AFG2A: variants seen among roughly 807,000 people sequenced by gnomAD.
AFG2A encodes the protein AAA ATPase AFG2A.
the AFG2A span, among the ~76,000 whole-genome samples, chr4:123,185,494 T>C: frequency 6.6e-6 from 1 of 152,252 alleles, no homozygotes; most frequent in East Asian, 1.9e-4. Context: ...CTAAATAGGT[T>C]GAAGTAATTT....
At chr4:122,933,228 G>A in the AFG2A span, among the ~76,000 whole-genome samples, 1 of 152,178 alleles carries the variant, frequency 6.6e-6, no homozygotes, top group African/African-American at 2.4e-5. Flanking sequence ...AGGCCACTAA[G>A]GCACCAGATT....
chr4:123,120,432 A>C, the AFG2A span, among the ~76,000 whole-genome samples: 1 of 152,214 alleles, frequency 6.6e-6, no homozygotes, highest in African/African-American at 2.4e-5. Context: ...AACCATTAAA[A>C]ATTAGTTAAT....
the AFG2A span, among the ~76,000 whole-genome samples, chr4:123,182,382 C>T: frequency 1.3e-5 from 2 of 152,090 alleles, no homozygotes; most frequent in African/African-American, 4.8e-5. Flanking sequence ...AGAACTTATA[C>T]CTAGGTTTTA....
chr4:123,262,058 G>A, the AFG2A span, among the ~76,000 whole-genome samples: 1 of 152,136 alleles, frequency 6.6e-6, no homozygotes. Flanking sequence ...TTACAGGCCT[G>A]AGCCACTGTG....
chr4:123,313,852 T>C, the AFG2A span: 1 of 1,520,040 alleles, frequency 6.6e-7, no homozygotes, highest in South Asian at 1.3e-5. Context: ...GATTGTTTTC[T>C]ACCTCCTTTT....
At chr4:122,933,851 T>G in the AFG2A span, among the ~76,000 whole-genome samples, 1 of 152,200 alleles carries the variant, frequency 6.6e-6, no homozygotes, top group East Asian at 1.9e-4. Context: ...GCCTGGCTAT[T>G]TGTTGATGTG....
the AFG2A span, among the ~76,000 whole-genome samples, chr4:123,007,548 GTATGTGTGTGTGTGTGTA>G: frequency 1.1e-5 from 1 of 88,662 alleles, no homozygotes; most frequent in Non-Finnish European, 2.4e-5. Flanking sequence ...ATATGTGTAT[GTATGTGTGTGTGTGTGTA>G]TATGTGTGTG....
the AFG2A span, among the ~76,000 whole-genome samples, chr4:123,196,298 C>T: frequency 4.0e-5 from 6 of 150,652 alleles, no homozygotes; most frequent in East Asian, 3.9e-4. Flanking sequence ...TGTGAGCCAC[C>T]GCGCCCGGCC....
At chr4:122,954,830 A>AC in the AFG2A span, among the ~76,000 whole-genome samples, 123,245 of 152,110 alleles carry the variant, frequency 0.81, 51,706 homozygotes, top group East Asian at 0.96. Flanking sequence ...AGTTAGATCC[A>AC]CCCCCTGCAA....
chr4:123,057,160 T>A, the AFG2A span: 1 of 1,594,104 alleles, frequency 6.3e-7, no homozygotes, highest in Non-Finnish European at 8.6e-7. Flanking sequence ...AACTACAGAA[T>A]TTTCTAGTGT....
At chr4:123,250,420 G>T in the AFG2A span, among the ~76,000 whole-genome samples, 14 of 152,228 alleles carry the variant, frequency 9.2e-5, no homozygotes, top group East Asian at 2.5e-3. Flanking sequence ...AATGGCAGGG[G>T]GTCCTAGAAC....
At chr4:123,273,224 A>G in the AFG2A span, among the ~76,000 whole-genome samples, 1 of 152,152 alleles carries the variant, frequency 6.6e-6, no homozygotes, top group Admixed American at 6.6e-5. Flanking sequence ...ATAATGAGCT[A>G]CGTTAACATT....
the AFG2A span, among the ~76,000 whole-genome samples, chr4:123,077,636 G>A: frequency 6.6e-6 from 1 of 152,164 alleles, no homozygotes; most frequent in African/African-American, 2.4e-5. Context: ...ACATCTGGTA[G>A]GTTGCATTAC....
At chr4:123,186,352 A>T in the AFG2A span, among the ~76,000 whole-genome samples, 3 of 152,234 alleles carry the variant, frequency 2.0e-5, no homozygotes, top group African/African-American at 7.2e-5. Context: ...AGTTTGAATA[A>T]AAATTATTAA....
chr4:123,032,236 T>C, the AFG2A span, among the ~76,000 whole-genome samples: 2 of 152,238 alleles, frequency 1.3e-5, no homozygotes, highest in African/African-American at 2.4e-5. Flanking sequence ...TTGTATAAAA[T>C]AGATTTCATT....
chr4:123,016,736 C>T, the AFG2A span, among the ~76,000 whole-genome samples: 3 of 152,070 alleles, frequency 2.0e-5, no homozygotes, highest in Non-Finnish European at 4.4e-5. Flanking sequence ...CGGGCAGAGG[C>T]TGCAATCTTG....
the AFG2A span, among the ~76,000 whole-genome samples, chr4:122,942,377 G>A: frequency 6.5e-4 from 99 of 151,482 alleles, 1 homozygote; most frequent in African/African-American, 2.0e-3. Context: ...TGTATGTGTC[G>A]AGGAATGTAT....
chr4:122,979,193 G>A, the AFG2A span: 1 of 1,599,834 alleles, frequency 6.3e-7, no homozygotes, highest in Non-Finnish European at 8.5e-7. Flanking sequence ...TATTTATGAA[G>A]GAAAAGACAA....
the AFG2A span, among the ~76,000 whole-genome samples, chr4:122,927,083 G>A: frequency 6.6e-6 from 1 of 152,182 alleles, no homozygotes; most frequent in African/African-American, 2.4e-5. Flanking sequence ...TAACTGGCCT[G>A]AATTCTGGAC....
Sources: allele counts gnomAD v4.1 joint callset (sites outside exome capture counted in the v4.1 genomes callset), GRCh38; gene constraint gnomAD v4.1.1; transcripts MANE v1.5; gene names NCBI Gene and HGNC (gene_info 2026-07-23, HGNC 2026-07-21).